RIMS1: variants seen among roughly 807,000 people sequenced by gnomAD.
RIMS1 encodes the protein regulating synaptic membrane exocytosis protein 1.
Under a neutral mutation model 214.1 loss-of-function variants are expected in RIMS1, and 83 were observed. The observed-to-expected ratio is 0.39, with a 90% CI of 0.32 to 0.47. The LOEUF (loss-of-function observed/expected upper bound fraction) is 0.47. Among genes scored for constraint, RIMS1 ranks in the 20% least tolerant of loss-of-function variants. The probability of loss-of-function intolerance (pLI) is 0.99; values close to 1 mark genes in which losing one functional copy is unlikely to be tolerated. For synonymous variants in RIMS1, 793 were observed against 786.8 expected, an observed-to-expected ratio of 1.01 and a Z score of -0.13; for missense variants, 2,050 against 2,161.8, an observed-to-expected ratio of 0.95 and a Z score of 1.03.
intron 4 of RIMS1, among the ~76,000 whole-genome samples, chr6:72,145,339 G>A (rs116774296): frequency 2.0e-3 from 303 of 152,282 alleles, no homozygotes; most frequent in Middle Eastern, 6.8e-3. Context: ...TTTTGGCCAG[G>A]TGTGTCGGCT....
rs116510445 is a variant in RIMS1 at position 72,113,260 on chromosome 6, C to T, written c.471+13274C>T. ...ATTTCAAAGCCTTCCATTCATCCGT[C>T]TTGGATCATGGATTGACCATTGTTT... On this transcript the variant is annotated intron_variant, in intron 4 of 33. Coordinates refer to ENST00000521978, the MANE Select transcript of RIMS1 (RefSeq NM_014989.7). Among the ~76,000 whole-genome samples the T allele has an allele frequency of 2.8e-3, 423 of 152,240 alleles. 1 individual carries two copies. Among genetic ancestry groups the T allele is most frequent in the African/African-American group, 9.7e-3 (404 of 41,550 alleles).
intron 2 of RIMS1, among the ~76,000 whole-genome samples, chr6:72,005,224 G>C (rs1418866248): frequency 1.3e-5 from 2 of 152,114 alleles, no homozygotes; most frequent in African/African-American, 4.8e-5. Context: ...TGTTCCATTG[G>C]TCTATATCTC....
chr6:72,312,437 T>A (rs1257927243), intron 27 of RIMS1, among the ~76,000 whole-genome samples: 1 of 151,918 alleles, frequency 6.6e-6, no homozygotes, highest in Non-Finnish European at 1.5e-5. Context: ...AAAAATAATA[T>A]GTAATATATA....
At chr6:72,187,325 A>T (rs536647303) in intron 6 of RIMS1, among the ~76,000 whole-genome samples, 12 of 152,204 alleles carry the variant, frequency 7.9e-5, no homozygotes, top group Admixed American at 2.6e-4. Flanking sequence ...CATATTATTT[A>T]TGGGCTTGTA....
At chr6:72,270,950 T>C (rs2082743053) in intron 22 of RIMS1, among the ~76,000 whole-genome samples, 1 of 152,036 alleles carries the variant, frequency 6.6e-6, no homozygotes, top group African/African-American at 2.4e-5. Context: ...TATATCAAAT[T>C]GAAATATGTA....
intron 6 of RIMS1, among the ~76,000 whole-genome samples, chr6:72,214,383 G>A (rs1426332164): frequency 1.3e-5 from 2 of 151,940 alleles, no homozygotes; most frequent in South Asian, 4.1e-4. Flanking sequence ...GATAAACCCT[G>A]TTTGGATTTA....
chr6:71,887,761 G>T (rs1768256030), intron 1 of RIMS1, among the ~76,000 whole-genome samples: 1 of 152,132 alleles, frequency 6.6e-6, no homozygotes, highest in Admixed American at 6.5e-5. Context: ...GCCATCTTTG[G>T]TAACCTGCCT....
chr6:71,913,239 G>A (rs1312803293), intron 1 of RIMS1, among the ~76,000 whole-genome samples: 2 of 152,030 alleles, frequency 1.3e-5, no homozygotes, highest in African/African-American at 4.8e-5. Context: ...ATTTAAATGT[G>A]GGTCTTATTA....
At chr6:72,356,868 A>G (rs540289013) in intron 29 of RIMS1, among the ~76,000 whole-genome samples, 137 of 152,330 alleles carry the variant, frequency 9.0e-4, no homozygotes, top group African/African-American at 3.2e-3. Context: ...ATTTTAGTAT[A>G]AAAGAGCATT....
chr6:72,032,136 G>A (rs141273734), intron 2 of RIMS1, among the ~76,000 whole-genome samples: 1 of 152,024 alleles, frequency 6.6e-6, no homozygotes, highest in Non-Finnish European at 1.5e-5. Context: ...AGGTGTGTGT[G>A]TGTAGGGGTG....
intron 26 of RIMS1, among the ~76,000 whole-genome samples, chr6:72,300,157 C>T (rs74792825): frequency 2.0e-5 from 3 of 151,750 alleles, no homozygotes; most frequent in Non-Finnish European, 4.4e-5. Flanking sequence ...GAGGGTTAAG[C>T]AGATTGATTA....
At chr6:71,951,393 T>G (rs576171453) in intron 1 of RIMS1, among the ~76,000 whole-genome samples, 1 of 152,252 alleles carries the variant, frequency 6.6e-6, no homozygotes, top group Non-Finnish European at 1.5e-5. Context: ...AACTACATTC[T>G]TACATTCAAC....
rs182028384 is a variant in RIMS1 at position 72,266,354 on chromosome 6, G to A, written c.3398+305G>A. The A allele has an allele frequency of 4.7e-3, 1,936 of 413,788 alleles. 4 individuals carry two copies. Among genetic ancestry groups the A allele is most frequent in the Middle Eastern group, 0.025 (34 of 1,334 alleles). 25.6% of individuals were successfully genotyped at this position (413,788 alleles called of 1,614,324 possible). On this transcript the variant is annotated intron_variant, in intron 22 of 33. Transcript: ENST00000521978. ...TTCAGTCATTTTATTGACTATTCAGGAAACCTTCAGTATGCTGATAATGTT... is the reference window on the plus strand; with the variant it reads ...TTCAGTCATTTTATTGACTATTCAGAAAACCTTCAGTATGCTGATAATGTT...
At chr6:72,013,950 C>G (rs1261245199) in intron 2 of RIMS1, among the ~76,000 whole-genome samples, 3 of 152,128 alleles carry the variant, frequency 2.0e-5, no homozygotes, top group African/African-American at 7.2e-5. Context: ...TTTGCTGAAC[C>G]TAGACATGTC....
intron 2 of RIMS1, among the ~76,000 whole-genome samples, chr6:72,092,108 C>T (rs1836388263): frequency 1.3e-5 from 2 of 152,110 alleles, no homozygotes; most frequent in South Asian, 4.2e-4. Flanking sequence ...AGCATCTTGA[C>T]AACATGAGAT....
intron 8 of RIMS1, among the ~76,000 whole-genome samples, chr6:72,237,467 G>A (rs1168706133): frequency 6.6e-6 from 1 of 152,064 alleles, no homozygotes; most frequent in Non-Finnish European, 1.5e-5. Context: ...TTGAGCCCGG[G>A]AGTTCAAGAT....
At chr6:72,164,493 G>A (rs1417095824) in intron 4 of RIMS1, among the ~76,000 whole-genome samples, 1 of 152,174 alleles carries the variant, frequency 6.6e-6, no homozygotes, top group Non-Finnish European at 1.5e-5. Context: ...CACGCCTGGA[G>A]CTGTAGACTG....
chr6:71,911,492 T>C (rs1351174798), intron 1 of RIMS1, among the ~76,000 whole-genome samples: 1 of 152,186 alleles, frequency 6.6e-6, no homozygotes, highest in African/African-American at 2.4e-5. Context: ...GGATTGTCCT[T>C]GTGGTCACTT....
intron 19 of RIMS1, chr6:72,261,636 AAGC>A: frequency 1.0e-6 from 1 of 985,320 alleles, no homozygotes; most frequent in Non-Finnish European, 1.2e-6. Context: ...AGCCAATAAA[AAGC>A]AAGAGGAAAG....
Sources: allele counts gnomAD v4.1 joint callset (sites outside exome capture counted in the v4.1 genomes callset), GRCh38; gene constraint gnomAD v4.1.1; transcripts MANE v1.5; gene names NCBI Gene and HGNC (gene_info 2026-07-23, HGNC 2026-07-21).